DAB1: variants seen among roughly 807,000 people sequenced by gnomAD.
The protein encoded by DAB1 is DAB adaptor protein 1, also known as disabled homolog 1.
Under a neutral mutation model 64.6 loss-of-function variants are expected in DAB1, and 15 were observed. The observed-to-expected ratio is 0.23, with a 90% CI of 0.16 to 0.36. The LOEUF is 0.36. Among genes scored for constraint, DAB1 ranks in the 10% least tolerant of loss-of-function variants. The pLI is 1.00. For synonymous variants in DAB1, 235 were observed against 251.9 expected, an observed-to-expected ratio of 0.93 and a Z score of 0.64; for missense variants, 596 against 706.7, an observed-to-expected ratio of 0.84 and a Z score of 1.78.
Position 58,479,760 on chromosome 1 carries a change from A to G in DAB1, n.257+26300T>C, listed in dbSNP as rs1247168287. 2.6e-5 allele frequency among the ~76,000 whole-genome samples: 4 copies of G among 152,308 alleles called. No individual in the cohort carries two copies. The South Asian group carries it at 8.3e-4, about 32-fold the overall frequency. On this transcript the variant is annotated intron_variant and non_coding_transcript_variant, in intron 3 of 20. Coordinates refer to the DAB1 transcript ENST00000485760. ...ATATCTGAGAGTTGTAAAAAAATGG[A>G]CAGATTTGTAGTCAGATAGACTCAG...
At chr1:57,794,314 C>G (rs768812608) in intron 6 of DAB1, among the ~76,000 whole-genome samples, 1 of 152,184 alleles carries the variant, frequency 6.6e-6, no homozygotes, top group Admixed American at 6.5e-5. Flanking sequence ...CTCCTCAGCA[C>G]GAGGCTCAAG....
At chr1:57,834,718 G>A (rs1652735769) in intron 1 of DAB1, among the ~76,000 whole-genome samples, 1 of 151,406 alleles carries the variant, frequency 6.6e-6, no homozygotes, top group Admixed American at 6.6e-5. Context: ...AACTAGATAT[G>A]ACTATATATA....
chr1:57,593,877 CA>C (rs1397779482), intron 7 of DAB1, among the ~76,000 whole-genome samples: 1 of 152,178 alleles, frequency 6.6e-6, no homozygotes, highest in Non-Finnish European at 1.5e-5. Flanking sequence ...GCCATATTCC[CA>C]AAAGTTCTAG....
chr1:58,053,047 C>T (rs898030365), intron 5 of DAB1, among the ~76,000 whole-genome samples: 3 of 152,026 alleles, frequency 2.0e-5, no homozygotes, highest in Non-Finnish European at 2.9e-5. Context: ...AAACAATAAG[C>T]GTTCATGGGA....
chr1:58,460,962 A>C (rs1325567074), intron 3 of DAB1, among the ~76,000 whole-genome samples: 1 of 152,182 alleles, frequency 6.6e-6, no homozygotes, highest in Non-Finnish European at 1.5e-5. Context: ...TTTATGGTTG[A>C]TTAGGGATGA....
intron 6 of DAB1, among the ~76,000 whole-genome samples, chr1:57,811,523 A>C (rs1651621801): frequency 6.6e-6 from 1 of 152,182 alleles, no homozygotes; most frequent in African/African-American, 2.4e-5. Context: ...CTTCCTGTAC[A>C]GTCTGTAGAA....
intron 9 of DAB1, among the ~76,000 whole-genome samples, chr1:57,056,927 G>A (rs913086336): frequency 5.9e-5 from 9 of 152,106 alleles, no homozygotes; most frequent in Non-Finnish European, 2.9e-5. Context: ...GGGACTCAAG[G>A]AAAGCTGAAG....
intron 7 of DAB1, among the ~76,000 whole-genome samples, chr1:57,489,239 G>A (rs1169771039): frequency 1.3e-5 from 2 of 152,194 alleles, no homozygotes; most frequent in African/African-American, 4.8e-5. Context: ...GACAGAGGCA[G>A]GATTGCAAAA....
chr1:58,513,288 A>G (rs1190395428), intron 2 of DAB1, among the ~76,000 whole-genome samples: 3 of 152,154 alleles, frequency 2.0e-5, no homozygotes, highest in South Asian at 2.1e-4. Context: ...CACCATGATT[A>G]TAAGTTTCCT....
intron 7 of DAB1, among the ~76,000 whole-genome samples, chr1:57,542,204 G>A (rs937598562): frequency 4.6e-5 from 7 of 152,076 alleles, no homozygotes; most frequent in African/African-American, 1.7e-4. Flanking sequence ...ATTCATAAGT[G>A]TTGTTTATCT....
At chr1:57,222,088 ATAT>A (rs1361821817) in intron 2 of DAB1, among the ~76,000 whole-genome samples, 5 of 152,134 alleles carry the variant, frequency 3.3e-5, no homozygotes, top group African/African-American at 1.2e-4. Context: ...AGTGAGAAAA[ATAT>A]TATTATTGTT....
chr1:57,905,613 C>T (rs146556572), intron 5 of DAB1, among the ~76,000 whole-genome samples: 1 of 152,198 alleles, frequency 6.6e-6, no homozygotes, highest in East Asian at 1.9e-4. Flanking sequence ...GAGTCTGAAG[C>T]TCAGGGAAGA....
At chr1:58,253,793 G>T (rs1394401314) in intron 4 of DAB1, among the ~76,000 whole-genome samples, 1 of 152,126 alleles carries the variant, frequency 6.6e-6, no homozygotes, top group Non-Finnish European at 1.5e-5. Context: ...TCTACGCTCT[G>T]TACCATACAT....
At chr1:58,326,838 G>T (rs1291242385) in intron 4 of DAB1, among the ~76,000 whole-genome samples, 1 of 152,094 alleles carries the variant, frequency 6.6e-6, no homozygotes, top group Admixed American at 6.6e-5. Flanking sequence ...AAACCCCTCA[G>T]CCCCTATCCC....
intron 9 of DAB1, among the ~76,000 whole-genome samples, chr1:57,044,808 G>A (rs989694635): frequency 3.3e-5 from 5 of 152,178 alleles, no homozygotes; most frequent in Admixed American, 6.5e-5. Context: ...AGGAAGGAAT[G>A]GGTCACAGGG....
chr1:58,497,278 C>T (rs144575076), intron 3 of DAB1, among the ~76,000 whole-genome samples: 98 of 152,110 alleles, frequency 6.4e-4, no homozygotes, highest in African/African-American at 2.1e-3. Context: ...ACTTTAGGGA[C>T]GTAAGGACCA....
chr1:57,945,239 T>A (rs1021787292), intron 5 of DAB1, among the ~76,000 whole-genome samples: 1 of 152,056 alleles, frequency 6.6e-6, no homozygotes, highest in Non-Finnish European at 1.5e-5. Flanking sequence ...TTTATCATCA[T>A]CACCATCGTC....
intron 1 of DAB1, among the ~76,000 whole-genome samples, chr1:57,882,163 G>A (rs558432650): frequency 6.6e-6 from 1 of 152,338 alleles, no homozygotes; most frequent in African/African-American, 2.4e-5. Context: ...TTGGAAGTCA[G>A]TGTGGGGGTG....
intron 7 of DAB1, among the ~76,000 whole-genome samples, chr1:57,543,768 C>A (rs1644827800): frequency 1.3e-5 from 1 of 75,918 alleles, no homozygotes; most frequent in South Asian, 7.6e-4. Context: ...TACAAAACTA[C>A]TAAGCATATT....
Sources: gnomAD v4.1 joint callset for allele counts (sites outside exome capture counted in the v4.1 genomes callset) on GRCh38, gnomAD v4.1.1 for gene constraint, MANE v1.5 for transcripts, NCBI Gene and HGNC (gene_info 2026-07-23, HGNC 2026-07-21) for gene names.